Variants in USH1C observed in about 807,000 individuals in gnomAD.
USH1C encodes the protein USH1 protein network component harmonin.
Under a neutral mutation model 119.3 loss-of-function variants are expected in USH1C, and 90 were observed. That is an observed-to-expected ratio of 0.75 (90% confidence interval 0.64 to 0.90). The LOEUF is 0.90. Ranked by LOEUF, USH1C falls within the 40% of genes least tolerant of loss-of-function variation. The pLI, the probability that USH1C is intolerant of heterozygous loss-of-function variation, is 0.00. For synonymous variants in USH1C, 465 were observed against 443.3 expected, an observed-to-expected ratio of 1.05 and a Z score of -0.62; for missense variants, 1,165 against 1,167.7, an observed-to-expected ratio of 1.00 and a Z score of 0.03.
intron 16 of USH1C, among the ~76,000 whole-genome samples, chr11:17,510,888 T>C (rs1849859305): frequency 6.6e-6 from 1 of 152,214 alleles, no homozygotes. Flanking sequence ...TGACTCTTTT[T>C]TTTCCTGCTC....
chr11:17,522,112 G>A (rs547361541), intron 12 of USH1C, among the ~76,000 whole-genome samples: 3 of 152,310 alleles, frequency 2.0e-5, no homozygotes, highest in South Asian at 4.1e-4. Flanking sequence ...GATAACAGGC[G>A]TGAGTCACTG....
chr11:17,502,591 C>A (rs1849489253), intron 20 of USH1C, among the ~76,000 whole-genome samples: 1 of 152,228 alleles, frequency 6.6e-6, no homozygotes, highest in Admixed American at 6.5e-5. Context: ...AAGAGGCCTC[C>A]CCAGATTCTG....
At chr11:17,541,631 T>A (rs1011418138) in intron 1 of USH1C, among the ~76,000 whole-genome samples, 2 of 152,238 alleles carry the variant, frequency 1.3e-5, no homozygotes, top group African/African-American at 4.8e-5. Flanking sequence ...GAGAAAACAG[T>A]CTCTGACCAA....
chr11:17,520,555 G>A (rs1329589068), intron 14 of USH1C, among the ~76,000 whole-genome samples: 8 of 152,176 alleles, frequency 5.3e-5, no homozygotes, highest in Non-Finnish European at 1.2e-4. Context: ...ACATTAGGAC[G>A]GTAATCCCAT....
chr11:17,539,262 A>C (rs1851355058), intron 1 of USH1C, among the ~76,000 whole-genome samples: 4 of 152,062 alleles, frequency 2.6e-5, no homozygotes, highest in Admixed American at 2.0e-4. Context: ...AGCTGTGCTG[A>C]ACTTTCTCCC....
At chr11:17,529,392 C>T (rs575540366) in intron 4 of USH1C, among the ~76,000 whole-genome samples, 3 of 152,338 alleles carry the variant, frequency 2.0e-5, no homozygotes, top group Admixed American at 2.0e-4. Context: ...AAGCCCACCA[C>T]TGGGGACCCA....
intron 4 of USH1C, 55 bp from the exon 5 acceptor site, chr11:17,527,386 GGCAGACTCACCACCAGATGCTCCCGGACT>G: frequency 7.3e-7 from 1 of 1,373,284 alleles, no homozygotes; most frequent in Admixed American, 1.7e-5. Context: ...CAGGCAGTGG[GGCAGACTCACCACCAGATGCTCCCGGACT>G]GCTCTCCGGA....
At chr11:17,498,130 G>A in intron 24 of USH1C, 32 bp downstream of exon 24, 1 of 1,595,116 alleles carries the variant, frequency 6.3e-7, no homozygotes, top group East Asian at 2.2e-5. Context: ...AGGCAGGTGA[G>A]GGAGGAAAGG....
intron 10 of USH1C, 37 bp downstream of exon 10, chr11:17,523,382 T>TGACAA (rs777318322): frequency 6.2e-7 from 1 of 1,614,010 alleles, no homozygotes; most frequent in African/African-American, 1.3e-5. Context: ...GGTGTGGAGA[T>TGACAA]GACAAGGGCC....
Position 17,494,051 on chromosome 11 carries a change from TG to T in USH1C, c.*280del, listed in dbSNP as rs986757727. 1.9e-6 allele frequency: 1 copy of T among 512,910 alleles called. No individual in the cohort carries two copies. The highest frequency in any genetic ancestry group is 1.9e-5 in the African/African-American group (1 of 51,852). The allele number at this position is 512,910 out of a possible 1,614,324, so 31.8% of individuals were successfully genotyped here. On this transcript the variant is annotated 3_prime_UTR_variant, in exon 27 of 27. Transcript: ENST00000005226. ...GTTCAAGGAAGGAGTCCCCCAGAGCTGGGAGAGACCAAATTCACTGGGCCAG... is the reference window on the plus strand; with the variant it reads ...GTTCAAGGAAGGAGTCCCCCAGAGCTGGAGAGACCAAATTCACTGGGCCAG...
At chr11:17,543,853 T>C (rs955227348) in intron 1 of USH1C, among the ~76,000 whole-genome samples, 1 of 152,216 alleles carries the variant, frequency 6.6e-6, no homozygotes, top group Non-Finnish European at 1.5e-5. Flanking sequence ...CTAGTTTCCC[T>C]TCTCCCAACC....
chr11:17,511,895 C>T lies in USH1C; in HGVS notation c.1413+7G>A. 6.2e-7 allele frequency: 1 copy of T among 1,612,698 alleles called. No individual in the cohort carries two copies. ...TTGCTTGCCTGGCCTGCAGGCAGGACACATACCTCCTGGGCCAGCCGGTTG... is the reference window on the plus strand; with the variant it reads ...TTGCTTGCCTGGCCTGCAGGCAGGATACATACCTCCTGGGCCAGCCGGTTG... On this transcript the variant is annotated splice_region_variant and intron_variant, in intron 16 of 26. Coordinates refer to ENST00000005226, the MANE Select transcript of USH1C (RefSeq NM_153676.4).
intron 17 of USH1C, 140 bp from the exon 18 acceptor site, chr11:17,509,978 C>A: frequency 1.8e-6 from 2 of 1,083,884 alleles, no homozygotes; most frequent in South Asian, 3.4e-5. Flanking sequence ...CATGGGGCGC[C>A]ATTCCTCTGC....
intron 20 of USH1C, among the ~76,000 whole-genome samples, chr11:17,502,393 A>G (rs1849481710): frequency 6.6e-6 from 1 of 152,202 alleles, no homozygotes; most frequent in Non-Finnish European, 1.5e-5. Flanking sequence ...ATGAAGCCCA[A>G]GGTGTCTCCA....
chr11:17,523,346 T>C, intron 10 of USH1C, 73 bp downstream of exon 10: 1 of 1,613,046 alleles, frequency 6.2e-7, no homozygotes, highest in South Asian at 1.1e-5. Flanking sequence ...GGCCCCAGGC[T>C]CCAGGGTGGT....
At position 17,531,167 on chromosome 11, in the gene USH1C, CTGTCTGCCTGACCGCCTTTGATGAGG is replaced by C. The variant is rs2133917820; in HGVS notation, c.348_373del (p.His116GlnfsTer24). 2 of 1,614,166 alleles carry C rather than the reference CTGTCTGCCTGACCGCCTTTGATGAGG, an allele frequency of 1.2e-6. No individual in the cohort carries two copies. Among genetic ancestry groups the C allele is most frequent in the Non-Finnish European group, 1.7e-6 (2 of 1,180,044 alleles). On this transcript the variant is annotated frameshift_variant, in exon 4 of 27. Coordinates refer to ENST00000005226, the MANE Select transcript of USH1C (RefSeq NM_153676.4). LOFTEE classifies it high-confidence loss of function. The surrounding 1 kb of genome is among the most constrained non-coding windows in gnomAD (Gnocchi z 4.2). Reference sequence around the variant, plus strand: ...CTGTTTGCTCACCTGGAGCCCGACGCTGTCTGCCTGACCGCCTTTGATGAGGTGGGAGATGAAGAGCCCACAGCCAA... The same window carrying C: ...CTGTTTGCTCACCTGGAGCCCGACGCTGGGAGATGAAGAGCCCACAGCCAA...
intron 14 of USH1C, among the ~76,000 whole-genome samples, chr11:17,519,689 G>A (rs535039619): frequency 1.6e-4 from 24 of 152,290 alleles, no homozygotes; most frequent in Non-Finnish European, 2.6e-4. Flanking sequence ...TGAATGTCAC[G>A]GGGGAGGCTG....
chr11:17,543,612 A>C (rs922431336), intron 1 of USH1C, among the ~76,000 whole-genome samples: 8 of 152,148 alleles, frequency 5.3e-5, no homozygotes. Flanking sequence ...CCAGACCACC[A>C]GTGAGGCCCC....
At position 17,495,162 on chromosome 11, in the gene USH1C, C is replaced by T. The variant is rs1299873056; in HGVS notation, c.2655+407G>A. On this transcript the variant is annotated intron_variant, in intron 26 of 26. Coordinates refer to ENST00000005226, the MANE Select transcript of USH1C (RefSeq NM_153676.4). ...GGGAATTTTCACATTCTGTTGAGGA[C>T]ATCTCTTGGGGGCAATTCCAGCCAG... The T allele has an allele frequency of 4.5e-5, 13 of 286,448 alleles. No individual in the cohort carries two copies. In the East Asian group the frequency reaches 1.1e-3, roughly 24 times the overall value. The allele number at this position is 286,448 out of a possible 1,614,324, so 17.7% of individuals were successfully genotyped here.
Sources: allele counts gnomAD v4.1 joint callset (sites outside exome capture counted in the v4.1 genomes callset), GRCh38; gene constraint gnomAD v4.1.1; non-coding constraint Gnocchi (gnomAD v3.1); transcripts MANE v1.5; gene names NCBI Gene and HGNC (gene_info 2026-07-23, HGNC 2026-07-21).